GLS: variants seen among roughly 807,000 people sequenced by gnomAD.
GLS encodes glutaminase kidney isoform, mitochondrial.
Under a neutral mutation model 86.7 loss-of-function variants are expected in GLS, and 36 were observed. The observed-to-expected ratio is 0.42, with a 90% CI of 0.32 to 0.55. GLS has a LOEUF of 0.55. GLS is among the 20% of genes least tolerant of loss of function. GLS has a pLI of 0.17. For synonymous variants in GLS, 317 were observed against 305.9 expected (o/e 1.04, Z -0.38); for missense variants, 528 against 833.4 (o/e 0.63, Z 4.51).
chr2:190,903,083 T>TCA (rs560049287), intron 5 of GLS, among the ~76,000 whole-genome samples: 63 of 152,352 alleles, frequency 4.1e-4, no homozygotes, highest in African/African-American at 1.4e-3. Context: ...CCCAGGTTAG[T>TCA]TTTGAACTCT....
intron 7 of GLS, among the ~76,000 whole-genome samples, 172 bp downstream of exon 7, chr2:190,910,493 A>G (rs1457437847): frequency 6.6e-6 from 1 of 152,058 alleles, no homozygotes; most frequent in Non-Finnish European, 1.5e-5. Context: ...TAAATGATGT[A>G]GTCATTTCAA....
At position 190,933,442 on chromosome 2, in the gene GLS, T is replaced by A. The variant is rs188071471; in HGVS notation, c.1650+1805T>A. 5.3e-4 allele frequency: 465 copies of A among 874,658 alleles called. 8 individuals are homozygous for A. In the Admixed American group the frequency reaches 0.028, roughly 53 times the overall value. The allele number at this position is 874,658 out of a possible 1,614,324, so 54.2% of individuals were successfully genotyped here. ...TAGATTGGCTTTACATTTTAAAAAA[T>A]TTATTTAAAAATTTATCAAATGCTT... On this transcript the variant is annotated intron_variant, in intron 14 of 17. Transcript: ENST00000320717.
rs1198735958 is a variant in GLS, at chr2:190,930,134, A to G, written c.1426-303A>G. Among the ~76,000 whole-genome samples, 1 of 150,984 alleles carries G rather than the reference A, an allele frequency of 6.6e-6. No homozygotes were observed. Among genetic ancestry groups the G allele is most frequent in the African/African-American group, 2.4e-5 (1 of 41,000 alleles). On this transcript the variant is annotated intron_variant, in intron 12 of 17. Coordinates refer to ENST00000320717, the MANE Select transcript of GLS (RefSeq NM_014905.5). This position sits in a 1 kb window ranked among gnomAD's most constrained non-coding sequence, Gnocchi z 5.0. ...CAGGCTGGAGTGCAGTGGTGCGATC[A>G]TGGCTCACTGTAGCCTTGACCTCCT...
chr2:190,932,311 T>C (rs1044137084), intron 14 of GLS, among the ~76,000 whole-genome samples: 1 of 151,936 alleles, frequency 6.6e-6, no homozygotes, highest in Admixed American at 6.6e-5. Flanking sequence ...TATATAGTTT[T>C]TCACTGTACC....
At chr2:190,922,700 TG>T (rs1043724688) in intron 9 of GLS, among the ~76,000 whole-genome samples, 17 of 152,172 alleles carry the variant, frequency 1.1e-4, no homozygotes, top group African/African-American at 2.9e-4. Context: ...ACTATGTTGA[TG>T]TTTTTTTTAA....
At position 190,953,517 on chromosome 2, in the gene GLS, A is replaced by G. The variant is rs926928086; in HGVS notation, c.1651-48A>G. The G allele has an allele frequency of 5.0e-6, 6 of 1,204,938 alleles. No individual in the cohort carries two copies. The highest frequency in any genetic ancestry group is 1.7e-5 in the Admixed American group (1 of 59,246). 74.6% of individuals were successfully genotyped at this position (1,204,938 alleles called of 1,614,324 possible). ...CTTGCCAGTGACAGGTGGACGTTGT[A>G]TGTGTTTTCTCTCTCCTAAGGATGC... On this transcript the variant is annotated intron_variant, in intron 14 of 17. Coordinates refer to ENST00000320717, the MANE Select transcript of GLS (RefSeq NM_014905.5). The surrounding 1 kb of genome is among the most constrained non-coding windows in gnomAD (Gnocchi z 4.0).
intron 14 of GLS, among the ~76,000 whole-genome samples, chr2:190,936,881 C>T (rs966204305): frequency 4.6e-5 from 7 of 151,106 alleles, no homozygotes; most frequent in Admixed American, 4.0e-4. Context: ...GGTTTTTCTC[C>T]TACATGGCCT....
Position 190,947,564 on chromosome 2 carries a change from C to G in GLS, c.1651-6001C>G, listed in dbSNP as rs1690608094. ...CCATGGGGAGGTATACATTAAACATCAGAGCCCTTAATTTAATAGCTATTA... is the reference window on the plus strand; with the variant it reads ...CCATGGGGAGGTATACATTAAACATGAGAGCCCTTAATTTAATAGCTATTA... On this transcript the variant is annotated intron_variant, in intron 14 of 17. Transcript: ENST00000320717. This position sits in a 1 kb window ranked among gnomAD's most constrained non-coding sequence, Gnocchi z 5.0. Among the ~76,000 whole-genome samples, 1 of 152,204 alleles carries G rather than the reference C, an allele frequency of 6.6e-6. No homozygotes were observed. Among genetic ancestry groups the G allele is most frequent in the African/African-American group, 2.4e-5 (1 of 41,454 alleles).
intron 6 of GLS, 75 bp from the exon 7 acceptor site, chr2:190,910,188 G>A: frequency 1.1e-6 from 1 of 891,134 alleles, no homozygotes; most frequent in East Asian, 2.6e-5. Flanking sequence ...CTTTTTCCAA[G>A]GTCATTTTTA....
chr2:190,951,992 G>A lies in GLS; in HGVS notation c.1651-1573G>A, dbSNP rs1207289009. Among the ~76,000 whole-genome samples, 1 of 152,168 alleles carries A rather than the reference G, an allele frequency of 6.6e-6. No individual in the cohort carries two copies. Among genetic ancestry groups the A allele is most frequent in the Non-Finnish European group, 1.5e-5 (1 of 68,028 alleles). ...GGCCAAGGCAGAAGGATTGCTTAAGGCCCGGAGTTCAAGACCAGCCTGGCC... is the reference window on the plus strand; with the variant it reads ...GGCCAAGGCAGAAGGATTGCTTAAGACCCGGAGTTCAAGACCAGCCTGGCC... On this transcript the variant is annotated intron_variant, in intron 14 of 17. Transcript: ENST00000320717. The surrounding 1 kb of genome is among the most constrained non-coding windows in gnomAD (Gnocchi z 4.2).
At position 190,881,057 on chromosome 2, in the gene GLS, T is replaced by C. The variant is rs1267776207; in HGVS notation, c.-28T>C. ...CCCACGCCCGGAGCATCCTCCCCTG[T>C]TGAGCGGGCGCTGACGGACCCGGCG... On this transcript the variant is annotated 5_prime_UTR_variant, in exon 1 of 18. Coordinates refer to ENST00000320717, the MANE Select transcript of GLS (RefSeq NM_014905.5). 12 of 1,537,554 alleles carry C rather than the reference T, an allele frequency of 7.8e-6. No homozygotes were observed. The highest frequency in any genetic ancestry group is 1.9e-5 in the Admixed American group (1 of 51,354).
At chr2:190,933,965 AACT>A (rs1314515769) in intron 14 of GLS, 1 of 927,424 alleles carries the variant, frequency 1.1e-6, no homozygotes, top group Non-Finnish European at 1.3e-6. Flanking sequence ...TTTTTAAGAG[AACT>A]ATAGATTCTA....
Position 190,955,955 on chromosome 2 carries a change from C to A in GLS, c.1853+1137C>A, listed in dbSNP as rs1690851277. Reference sequence around the variant, plus strand: ...GAAGTGTCTGTTCACATCCTTCACCCACTTTTTGATGGGGTTTTTTTGTTG... The same window carrying A: ...GAAGTGTCTGTTCACATCCTTCACCAACTTTTTGATGGGGTTTTTTTGTTG... On this transcript the variant is annotated intron_variant, in intron 17 of 17. Transcript: ENST00000320717. This position sits in a 1 kb window ranked among gnomAD's most constrained non-coding sequence, Gnocchi z 5.6. 1.3e-5 allele frequency among the ~76,000 whole-genome samples: 2 copies of A among 152,224 alleles called. No individual in the cohort carries two copies. The highest frequency in any genetic ancestry group is 4.8e-5 in the African/African-American group (2 of 41,458).
chr2:190,882,542 A>T (rs1574552606), intron 1 of GLS, among the ~76,000 whole-genome samples: 1 of 152,198 alleles, frequency 6.6e-6, no homozygotes, highest in East Asian at 1.9e-4. Context: ...TTCTGCTGCT[A>T]TTTCCAGCTC....
intron 1 of GLS, among the ~76,000 whole-genome samples, chr2:190,892,466 T>A (rs1432636240): frequency 6.6e-6 from 1 of 152,176 alleles, no homozygotes; most frequent in Non-Finnish European, 1.5e-5. Context: ...ATTGCTATAA[T>A]CCTATTTGTC....
chr2:190,905,559 G>A lies in GLS; in HGVS notation c.979+392G>A, dbSNP rs1353740711. ...TGTATATTATTCTATCTATTATATT[G>A]TATATAGTAGTTGAAAGTTTTATTG... is the stretch of plus-strand genomic sequence containing the variant. On this transcript the variant is annotated intron_variant, in intron 6 of 17. Transcript: ENST00000320717. The surrounding 1 kb of genome is among the most constrained non-coding windows in gnomAD (Gnocchi z 4.6). Among the ~76,000 whole-genome samples, 13 of 152,048 alleles carry A rather than the reference G, an allele frequency of 8.5e-5. No individual in the cohort carries two copies. The highest frequency in any genetic ancestry group is 1.3e-4 in the Non-Finnish European group (9 of 67,956).
chr2:190,937,104 T>C (rs1690292798), intron 14 of GLS, among the ~76,000 whole-genome samples: 1 of 151,432 alleles, frequency 6.6e-6, no homozygotes, highest in East Asian at 1.9e-4. Context: ...TTACTGAGAA[T>C]GGACTTTACC....
In GLS at chr2:190,964,468, A is replaced by AAACTT. The variant is rs1385325275; in HGVS notation, c.*1483_*1487dup. On this transcript the variant is annotated 3_prime_UTR_variant, in exon 18 of 18. Transcript: ENST00000320717. This position sits in a 1 kb window ranked among gnomAD's most constrained non-coding sequence, Gnocchi z 5.2. ...TCTATGAGCACACTCTGCTGCTTCT[A>AAACTT]AACTTTACATGCCTGATGGCACCTT... 6.6e-6 allele frequency: 1 copy of AAACTT among 152,092 alleles called. No homozygotes were observed. Among genetic ancestry groups the AAACTT allele is most frequent in the Non-Finnish European group, 1.5e-5 (1 of 68,030 alleles). The allele number at this position is 152,092 out of a possible 1,614,324, so 9.4% of individuals were successfully genotyped here.
intron 7 of GLS, among the ~76,000 whole-genome samples, chr2:190,917,880 G>C (rs1010936266): frequency 2.6e-5 from 4 of 151,880 alleles, no homozygotes; most frequent in Non-Finnish European, 1.5e-5. Flanking sequence ...CTTGAGCCCA[G>C]GAGTTCAAAC....
Sources: allele counts gnomAD v4.1 joint callset (sites outside exome capture counted in the v4.1 genomes callset), GRCh38; gene constraint gnomAD v4.1.1; non-coding constraint Gnocchi (gnomAD v3.1); transcripts MANE v1.5; gene names NCBI Gene and HGNC (gene_info 2026-07-23, HGNC 2026-07-21).